The following BIRC6 variants were observed in gnomAD, a reference collection of about 807,000 sequenced individuals.
The protein encoded by BIRC6 is baculoviral IAP repeat containing 6.
In BIRC6, 98 loss-of-function variants were observed where a neutral mutation model predicts 503.3. The ratio of observed to expected loss-of-function variants is 0.19; its 90% confidence interval spans 0.17 to 0.23. The LOEUF (loss-of-function observed/expected upper bound fraction) is 0.23, where lower values mean the gene tolerates loss of function less well. BIRC6 is among the 10% of genes least tolerant of loss of function. The probability of loss-of-function intolerance (pLI) is 1.00; values close to 1 mark genes in which losing one functional copy is unlikely to be tolerated. For synonymous variants in BIRC6, 2,240 were observed against 2,078.7 expected, an observed-to-expected ratio of 1.08 and a Z score of -2.11; for missense variants, 5,360 against 5,806.0, an observed-to-expected ratio of 0.92 and a Z score of 2.50.
intron 3 of BIRC6, among the ~76,000 whole-genome samples, chr2:32,385,172 G>T (rs971038815): frequency 6.6e-6 from 1 of 152,190 alleles, no homozygotes; most frequent in Non-Finnish European, 1.5e-5. Flanking sequence ...CCACTTCGGG[G>T]TAGTACCAGC....
chr2:32,560,689 C>T (rs1233411027), intron 65 of BIRC6, among the ~76,000 whole-genome samples: 2 of 152,076 alleles, frequency 1.3e-5, no homozygotes, highest in African/African-American at 4.8e-5. Context: ...CAAACATCCT[C>T]CTGATTAGCT....
At chr2:32,438,180 T>G (rs2044952367) in intron 15 of BIRC6, among the ~76,000 whole-genome samples, 1 of 152,212 alleles carries the variant, frequency 6.6e-6, no homozygotes, top group Non-Finnish European at 1.5e-5. Flanking sequence ...CTAAGATATT[T>G]TTTTCCATAA....
At chr2:32,596,084 A>G (rs973594046) in intron 68 of BIRC6, among the ~76,000 whole-genome samples, 1 of 152,152 alleles carries the variant, frequency 6.6e-6, no homozygotes, top group African/African-American at 2.4e-5. Context: ...TATTTCATTT[A>G]TATGAATTTA....
intron 13 of BIRC6, 41 bp downstream of exon 13, chr2:32,433,845 G>T (rs1300355832): frequency 2.1e-6 from 3 of 1,416,512 alleles, no homozygotes; most frequent in African/African-American, 1.4e-5. Context: ...ATTTTATTTT[G>T]TGGTTGATTT....
At position 32,357,275 on chromosome 2, in the gene BIRC6, C is replaced by T; in HGVS notation, c.114C>T (p.Gly38=). 4 of 1,524,146 alleles carry T rather than the reference C, an allele frequency of 2.6e-6. No individual in the cohort carries two copies. The highest frequency in any genetic ancestry group is 1.2e-5 in the South Asian group (1 of 82,014). The allele number at this position is 1,524,146 out of a possible 1,614,324, so 94.4% of individuals were successfully genotyped here. ...CGGCTGCGGCTGCGGCGGCCTCGGG[C>T]CCCGGCTGCTCCTCGGCGGCGGGGG... ...KMAAAAAAAS[G]PGCSSAAGAG... is the part of the protein sequence containing the mutation. Residue 38 remains glycine, a synonymous_variant, in exon 1 of 74, where the codon GGC becomes GGT. Coordinates refer to ENST00000421745, the MANE Select transcript of BIRC6 (RefSeq NM_016252.4). The surrounding 1 kb of genome is among the most constrained non-coding windows in gnomAD (Gnocchi z 4.9).
At chr2:32,387,207 T>C (rs982201258) in intron 3 of BIRC6, among the ~76,000 whole-genome samples, 3 of 152,056 alleles carry the variant, frequency 2.0e-5, no homozygotes, top group East Asian at 1.9e-4. Context: ...TGGGGTATCA[T>C]AGGATCCTTT....
At chr2:32,466,310 G>T (rs2048534609) in intron 26 of BIRC6, among the ~76,000 whole-genome samples, 1 of 152,076 alleles carries the variant, frequency 6.6e-6, no homozygotes, top group South Asian at 2.1e-4. Context: ...TTTTTTAATT[G>T]AACTTATTCT....
rs772811050 is a variant in BIRC6, at chr2:32,415,884, G to A, written c.2593G>A (p.Asp865Asn). 4 of 1,613,808 alleles carry A rather than the reference G, an allele frequency of 2.5e-6. No homozygotes were observed. Among genetic ancestry groups the A allele is most frequent in the African/African-American group, 2.7e-5 (2 of 74,896 alleles). ...TITSLILLPP[D>N]ILDNREDDCE... The stretch of plus-strand genomic sequence containing the variant: ...TACCTCGCTCATTTTGCTTCCACCC[G>A]ATATATTGGATAATCGAGAGGATGA... Residue 865 changes from aspartate (D) to asparagine (N), a missense_variant, in exon 10 of 74, where the codon GAT (aspartate) becomes AAT (asparagine). Asp to Asn is a conservative substitution (Grantham distance 23). Around this residue, in one of 16 missense-constraint regions of BIRC6, gnomAD observed 700 missense variants for 739.3 expected, o/e 0.95. Coordinates refer to ENST00000421745, the MANE Select transcript of BIRC6 (RefSeq NM_016252.4).
At position 32,431,042 on chromosome 2, in the gene BIRC6, A is replaced by G. The variant is rs1479049403; in HGVS notation, c.3200A>G (p.His1067Arg). The change falls in exon 12 of 74, where the codon CAT (histidine) becomes CGT (arginine). Residue 1067 changes from histidine to arginine, a missense_variant. This residue lies in a region of BIRC6 where 8 missense variants were observed against 29.3 expected (regional missense o/e 0.27). Transcript: ENST00000421745. ...RHPQHLHQQH[H>R]GDAAQHTRTW... is the part of the protein sequence containing the mutation. ...CCTCAACATTTGCATCAGCAACACC[A>G]TGGTGATGCTGCTCAGCATACTCGA... is the stretch of plus-strand genomic sequence containing the variant. 6.2e-7 allele frequency: 1 copy of G among 1,613,548 alleles called. No individual in the cohort carries two copies. The highest frequency in any genetic ancestry group is 1.7e-5 in the Admixed American group (1 of 59,966).
In BIRC6 at chr2:32,607,553, T is replaced by G; in HGVS notation, c.14169T>G (p.Ser4723Arg). ...GAGGCACTCCCAGTGGCACACAGAG[T>G]TCTCGAGAATATGATGGAAACATTC... ...RSRGTPSGTQ[S>R]SREYDGNIRQ... Residue 4723 changes from serine (S) to arginine (R), a missense_variant, in exon 72 of 74, where the codon AGT (serine) becomes AGG (arginine). Physicochemically the swap from Ser to Arg is moderately radical, Grantham distance 110. This residue lies in a region of BIRC6 where 40 missense variants were observed against 53.4 expected (regional missense o/e 0.75). Transcript: ENST00000421745. 1 of 1,613,406 alleles carries G rather than the reference T, an allele frequency of 6.2e-7. No individual in the cohort carries two copies. The highest frequency in any genetic ancestry group is 8.5e-7 in the Non-Finnish European group (1 of 1,179,616).
chr2:32,506,701 T>G (rs1317752198), intron 50 of BIRC6, among the ~76,000 whole-genome samples: 1 of 152,212 alleles, frequency 6.6e-6, no homozygotes, highest in African/African-American at 2.4e-5. Flanking sequence ...GATTACAAAA[T>G]TTGGTTTTAT....
chr2:32,578,757 C>T (rs1204468333), intron 66 of BIRC6, among the ~76,000 whole-genome samples: 1 of 151,630 alleles, frequency 6.6e-6, no homozygotes, highest in Non-Finnish European at 1.5e-5. Flanking sequence ...CCATCACACT[C>T]CATTACACTC....
At chr2:32,358,529 AGT>A (rs2033550757) in intron 1 of BIRC6, among the ~76,000 whole-genome samples, 1 of 152,166 alleles carries the variant, frequency 6.6e-6, no homozygotes, top group African/African-American at 2.4e-5. Context: ...TTAGTGTATG[AGT>A]GAATCGGACT....
At chr2:32,503,332 A>G (rs1224027872) in intron 49 of BIRC6, 96 bp downstream of exon 49, 12 of 985,782 alleles carry the variant, frequency 1.2e-5, no homozygotes, top group Non-Finnish European at 1.8e-5. Flanking sequence ...ATGATGTTAT[A>G]TATCACTATT....
Position 32,442,343 on chromosome 2 carries a change from A to G in BIRC6, c.4126A>G (p.Asn1376Asp). Reference sequence around the variant, plus strand: ...TTGCAGCTCAAAGGAAGGAAATGAGAACCTACTTTCAAAAACACGAAAATT... The same window carrying G: ...TTGCAGCTCAAAGGAAGGAAATGAGGACCTACTTTCAAAAACACGAAAATT... ...GPGSSKEGNE[N>D]LLSKTRKFLS... The change falls in exon 19 of 74, where the codon AAC (asparagine) becomes GAC (aspartate). Residue 1376 changes from asparagine (N) to aspartate (D), a missense_variant. Around this residue, in one of 16 missense-constraint regions of BIRC6, gnomAD observed 2,299 missense variants for 2,267.2 expected, o/e 1.01. Coordinates refer to ENST00000421745, the MANE Select transcript of BIRC6 (RefSeq NM_016252.4). The G allele has an allele frequency of 6.2e-7, 1 of 1,613,120 alleles. No individual in the cohort carries two copies. Among genetic ancestry groups the G allele is most frequent in the Non-Finnish European group, 8.5e-7 (1 of 1,179,476 alleles).
chr2:32,563,717 T>G (rs1356718430), intron 65 of BIRC6: 3 of 152,226 alleles, frequency 2.0e-5, no homozygotes, highest in Non-Finnish European at 4.4e-5. Flanking sequence ...ATTTTTATTA[T>G]AGTCACAAAT....
chr2:32,376,134 C>G (rs1264611164), intron 1 of BIRC6, among the ~76,000 whole-genome samples: 1 of 149,304 alleles, frequency 6.7e-6, no homozygotes, highest in African/African-American at 2.5e-5. Flanking sequence ...TGCAGTGAGC[C>G]GAGATCATGC....
chr2:32,581,209 A>T (rs1044322508), intron 66 of BIRC6, among the ~76,000 whole-genome samples: 1 of 152,142 alleles, frequency 6.6e-6, no homozygotes, highest in Non-Finnish European at 1.5e-5. Context: ...CTGTTCCTCT[A>T]CTGTTTGCTT....
intron 68 of BIRC6, 96 bp downstream of exon 68, chr2:32,595,240 A>G (rs181171121): frequency 2.0e-5 from 15 of 735,894 alleles, no homozygotes; most frequent in Non-Finnish European, 2.8e-5. Flanking sequence ...GATTTTTAAA[A>G]TTGCTTGTAA....
Sources: allele counts gnomAD v4.1 joint callset (sites outside exome capture counted in the v4.1 genomes callset), GRCh38; gene constraint gnomAD v4.1.1; regional missense constraint gnomAD v4.1.1; non-coding constraint Gnocchi (gnomAD v3.1); transcripts MANE v1.5; gene names NCBI Gene and HGNC (gene_info 2026-07-23, HGNC 2026-07-21).